Variants in CDKN2A observed in about 807,000 individuals in gnomAD.
CDKN2A encodes cyclin-dependent kinase inhibitor 2A.
A neutral mutation model predicts 11.1 loss-of-function variants in CDKN2A; 3 were observed. That is an observed-to-expected ratio of 0.27 (90% CI 0.12 to 0.70). CDKN2A has a LOEUF of 0.70. CDKN2A is among the 30% of genes least tolerant of loss of function. The pLI, the probability that CDKN2A is intolerant of heterozygous loss-of-function variation, is 0.77. For synonymous variants in CDKN2A, 122 were observed against 108.1 expected, an observed-to-expected ratio of 1.13 and a Z score of -0.80; for missense variants, 265 against 233.6, an observed-to-expected ratio of 1.13 and a Z score of -0.88.
At position 21,968,838 on chromosome 9, in the gene CDKN2A, C is replaced by G. The variant is rs1819543479; in HGVS notation, c.458-596G>C. The G allele has an allele frequency of 6.8e-7, 1 of 1,474,402 alleles. No individual in the cohort carries two copies. Among genetic ancestry groups the G allele is most frequent in the African/African-American group, 1.4e-5 (1 of 71,878 alleles). 91.3% of individuals were successfully genotyped at this position (1,474,402 alleles called of 1,614,324 possible). On this transcript the variant is annotated intron_variant, in intron 2 of 2. Coordinates refer to ENST00000304494, the MANE Select transcript of CDKN2A (RefSeq NM_000077.5). The surrounding 1 kb of genome is among the most constrained non-coding windows in gnomAD (Gnocchi z 4.7). ...TCTGCCTTCCTCTCTAATCTCGTTG[C>G]GTATGGGCTCCAGCTCGCCGTTCGG...
At chr9:21,981,155 T>C (rs868559959) in intron 2 of CDKN2A, among the ~76,000 whole-genome samples, 6 of 24,760 alleles carry the variant, frequency 2.4e-4, no homozygotes, top group African/African-American at 5.9e-4. Flanking sequence ...TATATATATA[T>C]ACGTGTATAT....
In CDKN2A at chr9:21,974,824, C is replaced by G. The variant is rs1060501273; in HGVS notation, c.4G>C (p.Glu2Gln). Residue 2 changes from glutamate (E) to glutamine (Q), a missense_variant, in exon 1 of 3, where the codon GAG becomes CAG. By Grantham distance (29) the Glu-to-Gln change is conservative. Coordinates refer to ENST00000304494, the MANE Select transcript of CDKN2A (RefSeq NM_000077.5). The surrounding 1 kb of genome is among the most constrained non-coding windows in gnomAD (Gnocchi z 5.2). The part of the protein sequence containing the change: M[E>Q]PAAGSSMEPS... ...TCCATGCTGCTCCCCGCCGCCGGCT[C>G]CATGCTGCTCCCCGCCGCCCGCTGC... 2 of 1,592,086 alleles carry G rather than the reference C, an allele frequency of 1.3e-6. No individual in the cohort carries two copies. The highest frequency in any genetic ancestry group is 1.3e-5 in the African/African-American group (1 of 74,332).
chr9:21,974,190 C>T lies in CDKN2A; in HGVS notation c.150+488G>A, dbSNP rs1819911362. ...ACAAGGCGTGAGGCACCGCGCCCGG[C>T]CGCTTCTGAATAATTTCGATCAAAA... On this transcript the variant is annotated intron_variant, in intron 1 of 2. Coordinates refer to ENST00000304494, the MANE Select transcript of CDKN2A (RefSeq NM_000077.5). This position sits in a 1 kb window ranked among gnomAD's most constrained non-coding sequence, Gnocchi z 5.2. 6.6e-6 allele frequency among the ~76,000 whole-genome samples: 1 copy of T among 152,200 alleles called. No homozygotes were observed. The highest frequency in any genetic ancestry group is 2.4e-5 in the African/African-American group (1 of 41,444).
rs533449139 is a variant in CDKN2A, at chr9:21,991,861, G to A, written c.-4+2021C>T. The stretch of plus-strand genomic sequence containing the variant: ...GAATCATGTACACATGGGGAATAAT[G>A]GTTTATACTAACTGCACAGTGCTTA... On this transcript the variant is annotated intron_variant, in intron 2 of 3. Transcript: ENST00000494262. The surrounding 1 kb of genome is among the most constrained non-coding windows in gnomAD (Gnocchi z 5.2). 1 of 985,090 alleles carries A rather than the reference G, an allele frequency of 1.0e-6. No homozygotes were observed. Among genetic ancestry groups the A allele is most frequent in the African/African-American group, 1.7e-5 (1 of 57,216 alleles). The allele number at this position is 985,090 out of a possible 1,614,324, so 61.0% of individuals were successfully genotyped here.
At chr9:21,994,052 G>A in exon 2 of CDKN2A, 1 of 1,439,984 alleles carries the variant, frequency 6.9e-7, no homozygotes, top group South Asian at 1.2e-5. Context: ...TCCTAGCCTG[G>A]GCTAGAGACG....
chr9:21,971,507 T>G, intron 1 of CDKN2A: 1 of 512,674 alleles, frequency 2.0e-6, no homozygotes, highest in Non-Finnish European at 3.2e-6. Flanking sequence ...TACTCCAGGC[T>G]AACTTCCTGT....
In CDKN2A at chr9:21,974,722, C is replaced by A. The variant is rs777948908; in HGVS notation, c.106G>T (p.Ala36Ser). ...TAACTATTCGGTGCGTTGGGCAGCG[C>A]CCCCGCCTCCAGCAGCGCCCGCACC... ...EEVRALLEAG[A>S]LPNAPNSYGR... The change falls in exon 1 of 3, where the codon GCG becomes TCG. Residue 36 changes from alanine to serine, a missense_variant. Transcript: ENST00000304494. This position sits in a 1 kb window ranked among gnomAD's most constrained non-coding sequence, Gnocchi z 5.2. 1.9e-6 allele frequency: 3 copies of A among 1,612,994 alleles called. No individual in the cohort carries two copies. Among genetic ancestry groups the A allele is most frequent in the Non-Finnish European group, 2.5e-6 (3 of 1,179,824 alleles).
At chr9:21,969,356 C>T (rs1350688919) in intron 2 of CDKN2A, among the ~76,000 whole-genome samples, 5 of 152,106 alleles carry the variant, frequency 3.3e-5, no homozygotes, top group Non-Finnish European at 5.9e-5. Context: ...CCACTGCACT[C>T]CAGGTTGGGC....
intron 2 of CDKN2A, among the ~76,000 whole-genome samples, chr9:21,987,428 CACACAG>C (rs1168023581): frequency 1.1e-4 from 13 of 121,144 alleles, no homozygotes; most frequent in African/African-American, 4.1e-4. Flanking sequence ...CACACACACA[CACACAG>C]AGAGAGAGAG....
exon 2 of CDKN2A, chr9:21,993,962 C>G (rs1259778215): frequency 1.4e-6 from 1 of 716,040 alleles, no homozygotes; most frequent in Non-Finnish European, 2.4e-6. Flanking sequence ...GGTCCAGGTT[C>G]AATGGTACTG....
At chr9:21,978,598 T>G (rs1487100023), upstream of CDKN2A, among the ~76,000 whole-genome samples, 1 of 152,276 alleles carries the variant, frequency 6.6e-6, no homozygotes, top group Non-Finnish European at 1.5e-5. Flanking sequence ...ATTCTCACAC[T>G]TACTTTTCCT....
At chr9:21,979,078 A>G (rs1209731102), upstream of CDKN2A, among the ~76,000 whole-genome samples, 5 of 152,244 alleles carry the variant, frequency 3.3e-5, no homozygotes, top group Non-Finnish European at 7.3e-5. Context: ...AGGCTTCCGG[A>G]TGCTGAGAGC....
At chr9:21,983,373 T>G (rs1021530293) in intron 2 of CDKN2A, among the ~76,000 whole-genome samples, 1 of 152,112 alleles carries the variant, frequency 6.6e-6, no homozygotes, top group Admixed American at 6.5e-5. Context: ...GTGAATATTA[T>G]GCAATTTTGA....
intron 2 of CDKN2A, among the ~76,000 whole-genome samples, chr9:21,990,476 G>C (rs751624033): frequency 6.6e-6 from 1 of 152,056 alleles, no homozygotes; most frequent in African/African-American, 2.4e-5. Context: ...GTGTGTCAAA[G>C]GCTTTGGAAA....
upstream of CDKN2A, among the ~76,000 whole-genome samples, chr9:21,975,325 G>C (rs574171342): frequency 6.6e-6 from 1 of 152,080 alleles, no homozygotes; most frequent in Non-Finnish European, 1.5e-5. Context: ...CTTCCTAACT[G>C]CCAAATTGAA....
At chr9:21,982,086 T>G (rs1001135226) in intron 2 of CDKN2A, among the ~76,000 whole-genome samples, 2 of 152,238 alleles carry the variant, frequency 1.3e-5, no homozygotes, top group African/African-American at 4.8e-5. Flanking sequence ...TTAGAAACTC[T>G]GTGCCAACTT....
intron 1 of CDKN2A, among the ~76,000 whole-genome samples, chr9:21,973,511 C>A (rs556729594): frequency 1.3e-5 from 2 of 152,266 alleles, no homozygotes; most frequent in East Asian, 3.9e-4. Context: ...TATTGTAGGA[C>A]TACAAAGCCA....
At chr9:21,981,319 C>T (rs1386115728) in intron 2 of CDKN2A, among the ~76,000 whole-genome samples, 1 of 150,598 alleles carries the variant, frequency 6.6e-6, no homozygotes, top group Non-Finnish European at 1.5e-5. Context: ...ATAAATGACA[C>T]CTCACACTTG....
intron 2 of CDKN2A, among the ~76,000 whole-genome samples, chr9:21,987,555 T>C (rs1820332009): frequency 6.6e-6 from 1 of 152,140 alleles, no homozygotes; most frequent in East Asian, 1.9e-4. Flanking sequence ...TCTGGTTCTG[T>C]AAGCTTTAAA....
Sources: allele counts gnomAD v4.1 joint callset (sites outside exome capture counted in the v4.1 genomes callset), GRCh38; gene constraint gnomAD v4.1.1; non-coding constraint Gnocchi (gnomAD v3.1); transcripts MANE v1.5; gene names NCBI Gene and HGNC (gene_info 2026-07-23, HGNC 2026-07-21).